Variants in CNTN5 observed in about 807,000 individuals in gnomAD.
CNTN5 encodes contactin 5.
In CNTN5, 77 loss-of-function variants were observed where a neutral mutation model predicts 129.1. The ratio of observed to expected loss-of-function variants is 0.60; its 90% CI spans 0.50 to 0.72. CNTN5 has a LOEUF of 0.72. Among genes scored for constraint, CNTN5 ranks in the 30% least tolerant of loss-of-function variants. The pLI is 0.00. For missense variants in CNTN5, 1,478 were observed against 1,328.8 expected, an observed-to-expected ratio of 1.11 and a Z score of -1.75; for synonymous variants, 509 against 465.6, an observed-to-expected ratio of 1.09 and a Z score of -1.20.
At chr11:99,402,090 G>GAT (rs1565552454) in intron 2 of CNTN5, among the ~76,000 whole-genome samples, 1 of 152,062 alleles carries the variant, frequency 6.6e-6, no homozygotes. Flanking sequence ...CTCTAACTAG[G>GAT]GTGTCCAGTA....
intron 13 of CNTN5, among the ~76,000 whole-genome samples, chr11:100,140,359 T>TA (rs1946656333): frequency 6.6e-6 from 1 of 152,104 alleles, no homozygotes; most frequent in Admixed American, 6.6e-5. Flanking sequence ...ATGATAAATG[T>TA]AAAGAGGGGG....
Position 99,499,581 on chromosome 11 carries a change from A to T in CNTN5, c.-70-56564A>T, listed in dbSNP as rs564165267. Among the ~76,000 whole-genome samples, 4 of 152,298 alleles carry T rather than the reference A, an allele frequency of 2.6e-5. No individual in the cohort carries two copies. In the South Asian group the frequency reaches 8.3e-4, roughly 32 times the overall value. On this transcript the variant is annotated intron_variant, in intron 2 of 24. Transcript: ENST00000524871. Reference sequence around the variant, plus strand: ...AAATTACCCAGTCTCAGGTATCTGTATCCTGTTATAGCAGAACAAATGGAC... The same window carrying T: ...AAATTACCCAGTCTCAGGTATCTGTTTCCTGTTATAGCAGAACAAATGGAC...
chr11:100,309,108 T>C, intron 21 of CNTN5: 7 of 985,164 alleles, frequency 7.1e-6, no homozygotes, highest in Non-Finnish European at 7.2e-6. Context: ...ACAGCTCTTG[T>C]TCTTGTTCTT....
intron 3 of CNTN5, among the ~76,000 whole-genome samples, chr11:99,664,933 G>A (rs1952729590): frequency 6.6e-6 from 1 of 152,138 alleles, no homozygotes; most frequent in Non-Finnish European, 1.5e-5. Context: ...GTCTAACACA[G>A]AATCTTTTTC....
chr11:100,353,271 A>T (rs933585667), intron 24 of CNTN5, among the ~76,000 whole-genome samples: 1 of 151,594 alleles, frequency 6.6e-6, no homozygotes, highest in African/African-American at 2.4e-5. Flanking sequence ...TAGACTCAGA[A>T]CCTGAGTCAT....
intron 9 of CNTN5, among the ~76,000 whole-genome samples, 194 bp from the exon 10 acceptor site, chr11:100,061,018 A>G (rs1450052122): frequency 6.6e-6 from 1 of 152,204 alleles, no homozygotes; most frequent in East Asian, 1.9e-4. Flanking sequence ...ATATGAAAGA[A>G]AAGGAAATTC....
chr11:99,588,107 G>A (rs184093649), intron 3 of CNTN5, among the ~76,000 whole-genome samples: 2 of 152,258 alleles, frequency 1.3e-5, no homozygotes, highest in African/African-American at 2.4e-5. Flanking sequence ...ACTTTGGGAG[G>A]CCGAGGCGGG....
intron 3 of CNTN5, among the ~76,000 whole-genome samples, chr11:99,595,022 G>C (rs1236656950): frequency 2.0e-5 from 3 of 152,174 alleles, no homozygotes; most frequent in African/African-American, 4.8e-5. Flanking sequence ...TTTCCTGAAA[G>C]TAGAGAGTAG....
intron 3 of CNTN5, among the ~76,000 whole-genome samples, chr11:99,702,273 A>G (rs1954555415): frequency 6.6e-6 from 1 of 150,974 alleles, no homozygotes; most frequent in South Asian, 2.1e-4. Context: ...ATGGGTAGCA[A>G]GGGGCTAATA....
intron 18 of CNTN5, among the ~76,000 whole-genome samples, chr11:100,289,098 GA>G (rs1450666598): frequency 3.3e-5 from 5 of 152,124 alleles, no homozygotes; most frequent in Non-Finnish European, 7.3e-5. Flanking sequence ...AACAGGATCT[GA>G]AATTGTGGCA....
chr11:99,145,582 T>C (rs1044228377), intron 1 of CNTN5, among the ~76,000 whole-genome samples: 1 of 152,034 alleles, frequency 6.6e-6, no homozygotes, highest in Non-Finnish European at 1.5e-5. Context: ...TCAGTAACAA[T>C]TCTTCTTACT....
intron 2 of CNTN5, among the ~76,000 whole-genome samples, chr11:99,429,054 A>T (rs977685491): frequency 6.6e-6 from 1 of 152,204 alleles, no homozygotes; most frequent in African/African-American, 2.4e-5. Flanking sequence ...AGATATAATT[A>T]TAAAACCTCT....
chr11:100,030,658 G>A (rs1941661134), intron 9 of CNTN5, among the ~76,000 whole-genome samples: 1 of 152,082 alleles, frequency 6.6e-6, no homozygotes, highest in Non-Finnish European at 1.5e-5. Context: ...CATTGAATAT[G>A]TACAAGAATA....
At chr11:99,586,920 C>T (rs1239146320) in intron 3 of CNTN5, among the ~76,000 whole-genome samples, 3 of 152,186 alleles carry the variant, frequency 2.0e-5, no homozygotes, top group South Asian at 2.1e-4. Context: ...TATCCAGGAA[C>T]GTTAATGCAC....
At chr11:99,999,752 C>T (rs1417964710) in intron 8 of CNTN5, among the ~76,000 whole-genome samples, 1 of 151,904 alleles carries the variant, frequency 6.6e-6, no homozygotes, top group Non-Finnish European at 1.5e-5. Flanking sequence ...GACTTGGAAC[C>T]AACCCAAATG....
At chr11:99,960,901 A>C (rs1950924029) in intron 8 of CNTN5, among the ~76,000 whole-genome samples, 1 of 152,052 alleles carries the variant, frequency 6.6e-6, no homozygotes, top group Non-Finnish European at 1.5e-5. Context: ...TAATAAGATA[A>C]TAGGAAAAAC....
chr11:99,288,765 C>G (rs913832871), intron 1 of CNTN5, among the ~76,000 whole-genome samples: 5 of 151,830 alleles, frequency 3.3e-5, no homozygotes. Context: ...TTACAGCACC[C>G]TTGCTTAAAT....
chr11:99,072,750 A>C (rs900578859), intron 1 of CNTN5, among the ~76,000 whole-genome samples: 5 of 152,146 alleles, frequency 3.3e-5, no homozygotes, highest in Non-Finnish European at 7.4e-5. Flanking sequence ...ATATACTCAG[A>C]AAAGTGCGCA....
chr11:99,718,276 T>A (rs942047566), intron 3 of CNTN5, among the ~76,000 whole-genome samples: 3 of 152,194 alleles, frequency 2.0e-5, no homozygotes, highest in African/African-American at 7.2e-5. Flanking sequence ...TGTCAGACAC[T>A]GTTCTTTGCA....
Sources: gnomAD v4.1 joint callset for allele counts (sites outside exome capture counted in the v4.1 genomes callset) on GRCh38, gnomAD v4.1.1 for gene constraint, MANE v1.5 for transcripts, NCBI Gene and HGNC (gene_info 2026-07-23, HGNC 2026-07-21) for gene names.